Variants in PCM1 observed in about 807,000 individuals in gnomAD.
PCM1 encodes pericentriolar material 1.
A neutral mutation model predicts 241.9 loss-of-function variants in PCM1; 157 were observed. That is an observed-to-expected ratio of 0.65 (90% CI 0.57 to 0.74). PCM1 has a LOEUF of 0.74. Ranked by LOEUF, PCM1 falls within the 30% of genes least tolerant of loss-of-function variation. The pLI, the probability that PCM1 is intolerant of heterozygous loss-of-function variation, is 0.00. For missense variants in PCM1, 3,478 were observed against 2,360.1 expected (o/e 1.47, Z -9.81); for synonymous variants, 1,085 against 784.9 (o/e 1.38, Z -6.39).
intron 10 of PCM1, among the ~76,000 whole-genome samples, chr8:17,956,196 T>C (rs1350943953): frequency 6.6e-6 from 1 of 152,136 alleles, no homozygotes; most frequent in Admixed American, 6.5e-5. Flanking sequence ...TGCAGACAAA[T>C]CAAGAACCTT....
rs1468493610 is a variant in PCM1, at chr8:17,950,741, A to C, written c.1071+17A>C. 6 of 1,318,506 alleles carry C rather than the reference A, an allele frequency of 4.6e-6. No homozygotes were observed. The Admixed American group carries it at 1.2e-4, about 26-fold the overall frequency. 81.7% of individuals were successfully genotyped at this position (1,318,506 alleles called of 1,614,324 possible). On this transcript the variant is annotated intron_variant, in intron 8 of 38. Coordinates refer to ENST00000325083, the MANE Select transcript of PCM1 (RefSeq NM_006197.4). ...GATTCTCAGGTAACCTAGATGTTTTAGTATAGTTGAGTTTAAAAAATCACA... is the reference window on the plus strand; with the variant it reads ...GATTCTCAGGTAACCTAGATGTTTTCGTATAGTTGAGTTTAAAAAATCACA...
At chr8:18,019,992 G>C (rs2093629776) in intron 36 of PCM1, among the ~76,000 whole-genome samples, 1 of 152,310 alleles carries the variant, frequency 6.6e-6, no homozygotes, top group African/African-American at 2.4e-5. Flanking sequence ...CAGATCTTGA[G>C]TCCCACATTT....
At chr8:17,959,375 G>T (rs2070498725) in intron 13 of PCM1, among the ~76,000 whole-genome samples, 1 of 151,920 alleles carries the variant, frequency 6.6e-6, no homozygotes, top group African/African-American at 2.4e-5. Flanking sequence ...ACAGTTTTCA[G>T]TATATCGATG....
At chr8:17,934,364 C>T (rs1164124822) in intron 2 of PCM1, among the ~76,000 whole-genome samples, 1 of 151,718 alleles carries the variant, frequency 6.6e-6, no homozygotes, top group Admixed American at 6.6e-5. Context: ...TCTGTTGAAG[C>T]CATACTCCTG....
chr8:17,956,486 G>C, intron 10 of PCM1, 118 bp from the exon 11 acceptor site: 1 of 643,882 alleles, frequency 1.6e-6, no homozygotes, highest in Non-Finnish European at 2.7e-6. Flanking sequence ...AGTTCACTAG[G>C]TGGATATTCC....
At chr8:18,003,297 G>A (rs949411316) in intron 29 of PCM1, among the ~76,000 whole-genome samples, 4 of 152,134 alleles carry the variant, frequency 2.6e-5, no homozygotes, top group African/African-American at 4.8e-5. Context: ...CTCTTTAGAC[G>A]CTCTAAGTGT....
At chr8:17,933,410 A>G (rs2059579096) in intron 2 of PCM1, among the ~76,000 whole-genome samples, 1 of 152,046 alleles carries the variant, frequency 6.6e-6, no homozygotes, top group South Asian at 2.1e-4. Context: ...TTTTTCCGAT[A>G]TGTTTATTCT....
intron 6 of PCM1, among the ~76,000 whole-genome samples, chr8:17,943,560 A>C (rs1312889303): frequency 2.0e-5 from 3 of 152,044 alleles, no homozygotes; most frequent in African/African-American, 7.2e-5. Flanking sequence ...TTTAAAAACC[A>C]CTTTGCTGTT....
chr8:17,946,793 G>C (rs1416471831), intron 6 of PCM1, among the ~76,000 whole-genome samples: 2 of 151,290 alleles, frequency 1.3e-5, no homozygotes, highest in African/African-American at 4.9e-5. Flanking sequence ...CATTAACCCA[G>C]TATAATGTGC....
chr8:18,004,747 G>A (rs1359206538), intron 29 of PCM1, among the ~76,000 whole-genome samples: 1 of 152,152 alleles, frequency 6.6e-6, no homozygotes, highest in Admixed American at 6.5e-5. Flanking sequence ...AGTCAAAAAT[G>A]TATTCTCCTC....
chr8:17,947,749 T>G (rs1376736401), intron 7 of PCM1, among the ~76,000 whole-genome samples: 1 of 152,200 alleles, frequency 6.6e-6, no homozygotes, highest in African/African-American at 2.4e-5. Flanking sequence ...GTTAAAACCT[T>G]AAGTGAGGCA....
At position 17,966,322 on chromosome 8, in the gene PCM1, C is replaced by T; in HGVS notation, c.3076-6C>T. On this transcript the variant is annotated splice_region_variant and splice_polypyrimidine_tract_variant and intron_variant, in intron 19 of 38. Coordinates refer to ENST00000325083, the MANE Select transcript of PCM1 (RefSeq NM_006197.4). The stretch of plus-strand genomic sequence containing the variant: ...GTAACTATTAACAAACATTTTCTTT[C>T]AATAGACTCTATCTTGTCTGCTACA... The T allele has an allele frequency of 2.5e-6, 4 of 1,613,262 alleles. No homozygotes were observed. The highest frequency in any genetic ancestry group is 3.4e-6 in the Non-Finnish European group (4 of 1,179,418).
chr8:17,979,323 G>C (rs2079877419), intron 23 of PCM1, among the ~76,000 whole-genome samples: 1 of 152,172 alleles, frequency 6.6e-6, no homozygotes, highest in African/African-American at 2.4e-5. Flanking sequence ...TATAATGGTA[G>C]TAAATATTGG....
At chr8:17,950,989 T>A (rs1285394703) in intron 8 of PCM1, among the ~76,000 whole-genome samples, 1 of 152,226 alleles carries the variant, frequency 6.6e-6, no homozygotes, top group Non-Finnish European at 1.5e-5. Context: ...AGGAAGTGAT[T>A]AATGAAGTTT....
chr8:18,011,266 G>C lies in PCM1; in HGVS notation c.5250G>C (p.Gln1750His), dbSNP rs202066346. ...KDKDETETVK[Q>H]TQTSEVYDGP... Reference sequence around the variant, plus strand: ...AGGATGAAACTGAAACAGTTAAGCAGACTCAAACATCTGAGGTGTATGATG... The same window carrying C: ...AGGATGAAACTGAAACAGTTAAGCACACTCAAACATCTGAGGTGTATGATG... Residue 1750 changes from glutamine (Q) to histidine (H), a missense_variant, in exon 33 of 39, where the codon CAG becomes CAC. Transcript: ENST00000325083. 1,228 of 1,606,140 alleles carry C rather than the reference G, an allele frequency of 7.6e-4. 1 individual carries two copies. The highest frequency in any genetic ancestry group is 1.0e-3 in the Non-Finnish European group (1,174 of 1,176,182).
At chr8:17,982,165 T>A (rs977880806) in intron 24 of PCM1, among the ~76,000 whole-genome samples, 1 of 152,226 alleles carries the variant, frequency 6.6e-6, no homozygotes, top group African/African-American at 2.4e-5. Flanking sequence ...GCTGGGCTTC[T>A]GTTAAGTCTG....
chr8:17,954,736 A>G (rs1298256911), intron 9 of PCM1, among the ~76,000 whole-genome samples: 1 of 152,218 alleles, frequency 6.6e-6, no homozygotes, highest in Non-Finnish European at 1.5e-5. Context: ...GAGGTAGAGA[A>G]GTGCAAAGAT....
chr8:17,985,930 A>G (rs556987335), intron 25 of PCM1, 29 bp from the exon 26 acceptor site: 3 of 1,379,316 alleles, frequency 2.2e-6, no homozygotes, highest in East Asian at 4.9e-5. Context: ...TATGTTTTAT[A>G]TAAATGATGA....
At chr8:18,016,230 G>A (rs1238883640) in intron 36 of PCM1, among the ~76,000 whole-genome samples, 5 of 152,164 alleles carry the variant, frequency 3.3e-5, no homozygotes, top group African/African-American at 1.2e-4. Flanking sequence ...CGAACTAGAT[G>A]TTTGACAGTA....
Sources: gnomAD v4.1 joint callset for allele counts (sites outside exome capture counted in the v4.1 genomes callset) on GRCh38, gnomAD v4.1.1 for gene constraint, MANE v1.5 for transcripts, NCBI Gene and HGNC (gene_info 2026-07-23, HGNC 2026-07-21) for gene names.